Variants in ZBTB43 observed in about 807,000 individuals in gnomAD.
The protein encoded by ZBTB43 is zinc finger and BTB domain-containing protein 43.
Under a neutral mutation model 31.1 loss-of-function variants are expected in ZBTB43, and 6 were observed. The ratio of observed to expected loss-of-function variants is 0.19; its 90% CI spans 0.11 to 0.38. ZBTB43 has a LOEUF of 0.38. ZBTB43 is among the 10% of genes least tolerant of loss of function. The pLI is 1.00. For missense variants in ZBTB43, 379 were observed against 602.1 expected (o/e 0.63, Z 3.88); for synonymous variants, 212 against 221.7 (o/e 0.96, Z 0.39).
intron 2 of ZBTB43, among the ~76,000 whole-genome samples, chr9:126,825,739 G>A (rs2032616584): frequency 6.6e-6 from 1 of 151,978 alleles, no homozygotes; most frequent in Admixed American, 6.6e-5. Context: ...GGGCATTACA[G>A]CTTCAATGTG....
chr9:126,811,561 C>T (rs147521314), intron 2 of ZBTB43, among the ~76,000 whole-genome samples: 5 of 152,326 alleles, frequency 3.3e-5, no homozygotes, highest in Non-Finnish European at 5.9e-5. Flanking sequence ...TTTTCCTAGT[C>T]ACTCAGTCAT....
chr9:126,829,664 G>C (rs1437134100), intron 2 of ZBTB43, among the ~76,000 whole-genome samples: 1 of 150,770 alleles, frequency 6.6e-6, no homozygotes, highest in African/African-American at 2.4e-5. Flanking sequence ...ATTTCCTTTG[G>C]GGGAGACTAG....
chr9:126,827,380 T>A (rs1273205234), intron 2 of ZBTB43, among the ~76,000 whole-genome samples: 1 of 152,192 alleles, frequency 6.6e-6, no homozygotes, highest in Non-Finnish European at 1.5e-5. Flanking sequence ...AGGTCCTTCC[T>A]CCACCCCCTC....
At chr9:126,831,323 G>A (rs1239605345) in intron 2 of ZBTB43, 1 of 152,168 alleles carries the variant, frequency 6.6e-6, no homozygotes, top group East Asian at 1.9e-4. Flanking sequence ...TCAAATATCA[G>A]TTAAATCTGA....
Position 126,833,803 on chromosome 9 carries a change from A to G in ZBTB43, c.1294A>G (p.Ile432Val), listed in dbSNP as rs1357859604. 4.3e-6 allele frequency: 7 copies of G among 1,610,978 alleles called. No individual in the cohort carries two copies. The highest frequency in any genetic ancestry group is 5.9e-6 in the Non-Finnish European group (7 of 1,177,324). Residue 432 changes from isoleucine (I) to valine (V), a missense_variant, in exon 3 of 3, where the codon ATC (isoleucine) becomes GTC (valine). Around this residue, in one of 5 missense-constraint regions of ZBTB43, gnomAD observed 23 missense variants for 105.1 expected, o/e 0.22. Coordinates refer to ENST00000373464, the MANE Select transcript of ZBTB43 (RefSeq NM_014007.4). The surrounding 1 kb of genome is among the most constrained non-coding windows in gnomAD (Gnocchi z 7.9). ...AGGCATAAAGCCGTATGAGTGTAAT[A>G]TCTGTGCAAAGAGGTTTATGTGGAG... The part of the protein sequence containing the change: ...HTGIKPYECN[I>V]CAKRFMWRDS...
intron 2 of ZBTB43, among the ~76,000 whole-genome samples, chr9:126,819,441 C>T (rs968675023): frequency 1.3e-5 from 2 of 151,968 alleles, no homozygotes; most frequent in Non-Finnish European, 2.9e-5. Flanking sequence ...ATTATTATAT[C>T]TGTTATGGTG....
chr9:126,814,559 C>T (rs1000658778), intron 2 of ZBTB43, among the ~76,000 whole-genome samples: 3 of 151,624 alleles, frequency 2.0e-5, no homozygotes, highest in African/African-American at 7.3e-5. Context: ...TTTGGGAGGC[C>T]GAGGTGGGCA....
At chr9:126,831,126 A>G (rs1387701762) in intron 2 of ZBTB43, among the ~76,000 whole-genome samples, 1 of 152,154 alleles carries the variant, frequency 6.6e-6, no homozygotes, top group Non-Finnish European at 1.5e-5. Context: ...TAGTGCTGAA[A>G]GACCAGAGGT....
chr9:126,831,451 T>C (rs749496271), intron 2 of ZBTB43: 2 of 152,014 alleles, frequency 1.3e-5, no homozygotes, highest in Non-Finnish European at 1.5e-5. Flanking sequence ...CTACAGTAGC[T>C]ATGATGGTGC....
chr9:126,834,069 TA>T lies in ZBTB43; in HGVS notation c.*163del, dbSNP rs1390613334. On this transcript the variant is annotated 3_prime_UTR_variant, in exon 3 of 3. Transcript: ENST00000373464. ...AAAGACCAGCTCTAAGTAGGCCAATTAAAAAAATCTAATTCCTCAAATTTGT... is the reference window on the plus strand; with the variant it reads ...AAAGACCAGCTCTAAGTAGGCCAATTAAAAAATCTAATTCCTCAAATTTGT... The T allele has an allele frequency of 6.0e-6, 5 of 828,596 alleles. No homozygotes were observed. In the East Asian group the frequency reaches 8.5e-5, roughly 14 times the overall value. 51.3% of individuals were successfully genotyped at this position (828,596 alleles called of 1,614,324 possible).
chr9:126,807,336 T>C (rs1031503399), intron 1 of ZBTB43, among the ~76,000 whole-genome samples: 7 of 152,166 alleles, frequency 4.6e-5, no homozygotes, highest in African/African-American at 1.7e-4. Context: ...AAAGGAAAAA[T>C]AAGAACACAT....
intron 1 of ZBTB43, among the ~76,000 whole-genome samples, chr9:126,806,227 CTG>C (rs1334269200): frequency 6.6e-6 from 1 of 152,188 alleles, no homozygotes; most frequent in Non-Finnish European, 1.5e-5. Flanking sequence ...AAGGATCAGA[CTG>C]AGGTCTTTGG....
chr9:126,818,115 T>A (rs927706031), intron 2 of ZBTB43, among the ~76,000 whole-genome samples: 1 of 150,100 alleles, frequency 6.7e-6, no homozygotes, highest in Non-Finnish European at 1.5e-5. Flanking sequence ...GTTTTTTTCT[T>A]TTTCTTTTTT....
At position 126,834,303 on chromosome 9, in the gene ZBTB43, C is replaced by G. The variant is rs956251926; in HGVS notation, c.*390C>G. 1 of 178,704 alleles carries G rather than the reference C, an allele frequency of 5.6e-6. No homozygotes were observed. Among genetic ancestry groups the G allele is most frequent in the African/African-American group, 2.4e-5 (1 of 41,806 alleles). The allele number at this position is 178,704 out of a possible 1,614,324, so 11.1% of individuals were successfully genotyped here. On this transcript the variant is annotated 3_prime_UTR_variant, in exon 3 of 3. Coordinates refer to ENST00000373464, the MANE Select transcript of ZBTB43 (RefSeq NM_014007.4). ...GGTCATGCTGAAATTTTATTTTGCT[C>G]TTGCTATAGATACTTAGGTAATGTG...
chr9:126,818,964 A>T (rs1447482891), intron 2 of ZBTB43, among the ~76,000 whole-genome samples: 2 of 152,172 alleles, frequency 1.3e-5, no homozygotes, highest in African/African-American at 4.8e-5. Flanking sequence ...GTTTGTTAGA[A>T]TTTACCAGTG....
In ZBTB43 at chr9:126,834,886, G is replaced by A. The variant is rs1380418698; in HGVS notation, c.*973G>A. ...ACTTAGTGAGAAGGAGCCACAAGTT[G>A]TGGCTGAGAGTTCCCTGTGAACTTG... is the stretch of plus-strand genomic sequence containing the variant. On this transcript the variant is annotated 3_prime_UTR_variant, in exon 3 of 3. Coordinates refer to ENST00000373464, the MANE Select transcript of ZBTB43 (RefSeq NM_014007.4). 1 of 167,098 alleles carries A rather than the reference G, an allele frequency of 6.0e-6. No individual in the cohort carries two copies. Among genetic ancestry groups the A allele is most frequent in the Non-Finnish European group, 1.5e-5 (1 of 68,128 alleles). The allele number at this position is 167,098 out of a possible 1,614,324, so 10.4% of individuals were successfully genotyped here.
At chr9:126,823,822 A>G (rs1200183575) in intron 2 of ZBTB43, among the ~76,000 whole-genome samples, 1 of 152,172 alleles carries the variant, frequency 6.6e-6, no homozygotes, top group Non-Finnish European at 1.5e-5. Context: ...ACTTTTAACA[A>G]CTTACCTTGA....
At chr9:126,821,783 C>T (rs2032516182) in intron 2 of ZBTB43, among the ~76,000 whole-genome samples, 2 of 152,158 alleles carry the variant, frequency 1.3e-5, no homozygotes, top group Admixed American at 1.3e-4. Context: ...CTGTGGCCCC[C>T]AGGACGGCTT....
rs188331715 is a variant in ZBTB43 at position 126,835,474 on chromosome 9, G to A, written c.*1561G>A. 1,232 of 166,960 alleles carry A rather than the reference G, an allele frequency of 7.4e-3. 7 individuals carry two copies. Among genetic ancestry groups the A allele is most frequent in the Non-Finnish European group, 9.8e-3 (664 of 68,084 alleles). 10.3% of individuals were successfully genotyped at this position (166,960 alleles called of 1,614,324 possible). Reference sequence around the variant, plus strand: ...AAAAATAATTTTTCTTGGATTTGGGGTGAAATTTTATTTGAAAAGTTTGGC... The same window carrying A: ...AAAAATAATTTTTCTTGGATTTGGGATGAAATTTTATTTGAAAAGTTTGGC... On this transcript the variant is annotated 3_prime_UTR_variant, in exon 3 of 3. Transcript: ENST00000373464.
Sources: allele counts gnomAD v4.1 joint callset (sites outside exome capture counted in the v4.1 genomes callset), GRCh38; gene constraint gnomAD v4.1.1; regional missense constraint gnomAD v4.1.1; non-coding constraint Gnocchi (gnomAD v3.1); transcripts MANE v1.5; gene names NCBI Gene and HGNC (gene_info 2026-07-23, HGNC 2026-07-21).